BTBD3: variants seen among roughly 807,000 people sequenced by gnomAD.
BTBD3 encodes the protein BTB domain containing 3, also known as BTB/POZ domain-containing protein 3.
BTBD3 carries 14 observed loss-of-function variants against 41.6 expected under a neutral mutation model. The observed-to-expected ratio is 0.34, with a 90% confidence interval of 0.22 to 0.53. The LOEUF is 0.53. Ranked by LOEUF, BTBD3 falls within the 20% of genes least tolerant of loss-of-function variation. The pLI, the probability that BTBD3 is intolerant of heterozygous loss-of-function variation, is 0.95. For synonymous variants in BTBD3, 249 were observed against 233.7 expected (o/e 1.07, Z -0.60); for missense variants, 426 against 654.7 (o/e 0.65, Z 3.81).
intron 1 of BTBD3, chr20:11,890,957 G>A (rs1343968293): frequency 2.0e-6 from 2 of 983,564 alleles, no homozygotes; most frequent in Non-Finnish European, 2.4e-6. Context: ...CGCTGGCGGT[G>A]AGTGAGGGCG....
intron 1 of BTBD3, among the ~76,000 whole-genome samples, chr20:11,905,347 C>G (rs2056847121): frequency 6.6e-6 from 1 of 150,894 alleles, no homozygotes; most frequent in Admixed American, 6.6e-5. Flanking sequence ...TGTTTTTTCT[C>G]AAGGAAACCA....
chr20:11,909,645 G>A (rs1321804502), intron 1 of BTBD3: 1 of 151,992 alleles, frequency 6.6e-6, no homozygotes, highest in Non-Finnish European at 1.5e-5. Context: ...CATTCTGGTC[G>A]CATACATTGT....
At chr20:11,902,707 A>G (rs1306869573) in intron 1 of BTBD3, among the ~76,000 whole-genome samples, 5 of 152,178 alleles carry the variant, frequency 3.3e-5, no homozygotes, top group East Asian at 1.9e-4. Flanking sequence ...AGTTAATTTT[A>G]TGCCTTTATG....
chr20:11,922,694 T>C lies in BTBD3; in HGVS notation c.597T>C (p.Ala199=). 1 of 1,614,226 alleles carries C rather than the reference T, an allele frequency of 6.2e-7. No individual in the cohort carries two copies. The highest frequency in any genetic ancestry group is 8.5e-7 in the Non-Finnish European group (1 of 1,180,040). ...ACACAGTGCTGGCCACACTTTATGCTGCCAAAAAGTACATTGTCCCTCACC... is the reference window on the plus strand; with the variant it reads ...ACACAGTGCTGGCCACACTTTATGCCGCCAAAAAGTACATTGTCCCTCACC... The part of the protein sequence containing the change: ...AADTVLATLY[A]AKKYIVPHLA... The change falls in exon 4 of 4, where the codon GCT becomes GCC. Residue 199 remains alanine (A), a synonymous_variant. Transcript: ENST00000378226.
intron 1 of BTBD3, among the ~76,000 whole-genome samples, chr20:11,902,183 A>G (rs956099229): frequency 2.6e-5 from 4 of 152,216 alleles, no homozygotes; most frequent in African/African-American, 4.8e-5. Flanking sequence ...TGTGTGTCGT[A>G]TATATTATAT....
rs1166594600 is a variant in BTBD3, at chr20:11,918,237, T to C, written c.-39T>C. ...CTCTTTTCCTTGATGTTCAAACCAA[T>C]TTGGGATATCTAACTCTAAAGAGAG... On this transcript the variant is annotated 5_prime_UTR_variant, in exon 1 of 4. Transcript: ENST00000378226. The C allele has an allele frequency of 1.3e-6, 2 of 1,514,832 alleles. No individual in the cohort carries two copies. Among genetic ancestry groups the C allele is most frequent in the African/African-American group, 2.8e-5 (2 of 71,890 alleles). 93.8% of individuals were successfully genotyped at this position (1,514,832 alleles called of 1,614,324 possible).
intron 3 of BTBD3, chr20:11,921,425 C>T (rs970841960): frequency 1.3e-5 from 2 of 152,184 alleles, no homozygotes; most frequent in Non-Finnish European, 2.9e-5. Flanking sequence ...AAAGCGGTGG[C>T]CTGCTTCATC....
chr20:11,899,807 A>G (rs1019934918), intron 1 of BTBD3, among the ~76,000 whole-genome samples: 5 of 152,188 alleles, frequency 3.3e-5, no homozygotes, highest in Non-Finnish European at 7.3e-5. Flanking sequence ...GTTGCAATTT[A>G]CTGTGCAAGC....
rs1327298364 is a variant in BTBD3 at position 11,924,364 on chromosome 20, A to G, written c.*698A>G. ...AGTTTAGAAGACAAAAAATTTCAAT[A>G]CAGATACTTCTTTTAGAAGTAAATT... On this transcript the variant is annotated 3_prime_UTR_variant, in exon 4 of 4. Transcript: ENST00000378226. The G allele has an allele frequency of 6.6e-6, 1 of 152,226 alleles. No homozygotes were observed. The highest frequency in any genetic ancestry group is 1.5e-5 in the Non-Finnish European group (1 of 68,050). The allele number at this position is 152,226 out of a possible 1,614,324, so 9.4% of individuals were successfully genotyped here.
chr20:11,902,272 T>C (rs2122204121), intron 1 of BTBD3, among the ~76,000 whole-genome samples: 1 of 152,372 alleles, frequency 6.6e-6, no homozygotes, highest in Non-Finnish European at 1.5e-5. Context: ...TATAGAAATG[T>C]ACTGTATTCA....
intron 1 of BTBD3, among the ~76,000 whole-genome samples, chr20:11,906,253 C>CTTTTTTTTTTTTTTTT (rs1568610658): frequency 5.4e-5 from 2 of 37,348 alleles, no homozygotes; most frequent in Non-Finnish European, 1.3e-4. Flanking sequence ...TATTATTACT[C>CTTTTTTTTTTTTTTTT]CTTTTTTTTT....
chr20:11,917,183 G>A (rs2056924077), upstream of BTBD3, among the ~76,000 whole-genome samples: 1 of 152,144 alleles, frequency 6.6e-6, no homozygotes, highest in Admixed American at 6.5e-5. Context: ...GTGAATTACA[G>A]CCTTTGAACA....
rs76173925 is a variant in BTBD3, at chr20:11,893,672, T to G, written c.-126+2718T>G. ...GTTGAGAATTTGTTGTTGCTTTGTT[T>G]CTTTTAAAAAATTAAATAAAAAAAT... On this transcript the variant is annotated intron_variant, in intron 1 of 4. Transcript: ENST00000254977. Among the ~76,000 whole-genome samples, 415 of 152,332 alleles carry G rather than the reference T, an allele frequency of 2.7e-3. 7 individuals are homozygous for G. In the East Asian group the frequency reaches 0.034, roughly 12 times the overall value.
At chr20:11,921,625 G>A (rs980420087) in intron 3 of BTBD3, 1 of 152,304 alleles carries the variant, frequency 6.6e-6, no homozygotes, top group South Asian at 2.1e-4. Context: ...AGGTGACTTC[G>A]CCTATCAGAG....
At chr20:11,900,231 T>C (rs2056815531) in intron 1 of BTBD3, among the ~76,000 whole-genome samples, 1 of 152,250 alleles carries the variant, frequency 6.6e-6, no homozygotes, top group African/African-American at 2.4e-5. Context: ...TCGTGAAGAC[T>C]CATTCTTTTG....
At position 11,918,269 on chromosome 20, in the gene BTBD3, T is replaced by A; in HGVS notation, c.-7T>A. ...TATCTAACTCTAAAGAGAGACACAC[T>A]GTACTCATGGTAGATGACAAGGAAA... On this transcript the variant is annotated 5_prime_UTR_variant, in exon 1 of 4. Transcript: ENST00000378226. The A allele has an allele frequency of 6.4e-7, 1 of 1,564,016 alleles. No individual in the cohort carries two copies. Among genetic ancestry groups the A allele is most frequent in the Non-Finnish European group, 8.6e-7 (1 of 1,161,578 alleles).
rs1320199530 is a variant in BTBD3, at chr20:11,925,364, CT to C, written c.*1700del. The C allele has an allele frequency of 6.5e-6, 1 of 152,728 alleles. No homozygotes were observed. Among genetic ancestry groups the C allele is most frequent in the Non-Finnish European group, 1.5e-5 (1 of 68,074 alleles). The allele number at this position is 152,728 out of a possible 1,614,324, so 9.5% of individuals were successfully genotyped here. ...ACGTATTCACTGTGCCTCTGGGCCACTTCTTCCCCTGTAGATGTGGGCTTGT... is the reference window on the plus strand; with the variant it reads ...ACGTATTCACTGTGCCTCTGGGCCACTCTTCCCCTGTAGATGTGGGCTTGT... On this transcript the variant is annotated 3_prime_UTR_variant, in exon 4 of 4. Coordinates refer to ENST00000378226, the MANE Select transcript of BTBD3 (RefSeq NM_014962.4).
intron 1 of BTBD3, chr20:11,890,967 G>A: frequency 1.0e-6 from 1 of 982,996 alleles, no homozygotes; most frequent in Non-Finnish European, 1.2e-6. Flanking sequence ...GAGTGAGGGC[G>A]CCGCGGGCGA....
chr20:11,898,325 C>T (rs925340360), intron 1 of BTBD3, among the ~76,000 whole-genome samples: 1 of 152,092 alleles, frequency 6.6e-6, no homozygotes, highest in South Asian at 2.1e-4. Flanking sequence ...TAGGTCTTTG[C>T]ACTGGACTTT....
Sources: allele counts gnomAD v4.1 joint callset (sites outside exome capture counted in the v4.1 genomes callset), GRCh38; gene constraint gnomAD v4.1.1; transcripts MANE v1.5; gene names NCBI Gene and HGNC (gene_info 2026-07-23, HGNC 2026-07-21).